The following CSMD1 variants were observed in gnomAD, a reference collection of about 807,000 sequenced individuals.
The protein encoded by CSMD1 is CUB and sushi domain-containing protein 1.
Under a neutral mutation model 417.5 loss-of-function variants are expected in CSMD1, and 213 were observed. That is an observed-to-expected ratio of 0.51 (90% CI 0.46 to 0.57). The LOEUF (loss-of-function observed/expected upper bound fraction) is 0.57. Ranked by LOEUF, CSMD1 falls within the 20% of genes least tolerant of loss-of-function variation. The pLI, the probability that CSMD1 is intolerant of heterozygous loss-of-function variation, is 0.00. For missense variants in CSMD1, 6,923 were observed against 4,529.7 expected (o/e 1.53, Z -15.17); for synonymous variants, 2,862 against 1,736.8 (o/e 1.65, Z -16.11).
In CSMD1 at chr8:3,052,602, G is replaced by A; in HGVS notation, c.7520C>T (p.Thr2507Ile). The A allele has an allele frequency of 6.2e-7, 1 of 1,611,888 alleles. No individual in the cohort carries two copies. The highest frequency in any genetic ancestry group is 8.5e-7 in the Non-Finnish European group (1 of 1,179,040). The change falls in exon 50 of 70, where the codon ACC becomes ATC. Residue 2507 changes from threonine to isoleucine, a missense_variant. Thr to Ile is a moderately conservative substitution (Grantham distance 89). Coordinates refer to ENST00000635120, the MANE Select transcript of CSMD1 (RefSeq NM_033225.6). ...ACTGTCCAAAGTGAACTCGTTCCCG[G>A]TAAATGAACCGTTTCCTGGGGATTC... ...IPESPGNGSF[T>I]GNEFTLDSKV...
intron 1 of CSMD1, among the ~76,000 whole-genome samples, chr8:4,901,597 T>C (rs1054217428): frequency 6.6e-6 from 1 of 152,168 alleles, no homozygotes; most frequent in Non-Finnish European, 1.5e-5. Context: ...TTCCGGACAC[T>C]TCTATTAGCC....
intron 3 of CSMD1, among the ~76,000 whole-genome samples, chr8:4,364,542 T>C (rs1186875129): frequency 2.5e-5 from 2 of 79,110 alleles, no homozygotes; most frequent in Non-Finnish European, 4.6e-5. Flanking sequence ...AGATAATCAA[T>C]GGCCGGGCGC....
At chr8:3,306,424 T>A (rs1210233559) in intron 25 of CSMD1, among the ~76,000 whole-genome samples, 1 of 152,156 alleles carries the variant, frequency 6.6e-6, no homozygotes, top group Non-Finnish European at 1.5e-5. Flanking sequence ...TCCACCCACC[T>A]CGGCCTCCCA....
At chr8:3,769,685 G>A (rs1050910714) in intron 5 of CSMD1, among the ~76,000 whole-genome samples, 1 of 152,052 alleles carries the variant, frequency 6.6e-6, no homozygotes, top group African/African-American at 2.4e-5. Flanking sequence ...TATATATGAT[G>A]TGTGAATTCT....
intron 3 of CSMD1, among the ~76,000 whole-genome samples, chr8:4,074,385 A>T (rs535224612): frequency 6.6e-6 from 1 of 152,262 alleles, no homozygotes; most frequent in South Asian, 2.1e-4. Context: ...CAGTATTTTC[A>T]ATGTCTATCT....
chr8:4,141,976 C>T (rs957999575), intron 3 of CSMD1, among the ~76,000 whole-genome samples: 1 of 150,788 alleles, frequency 6.6e-6, no homozygotes, highest in African/African-American at 2.5e-5. Context: ...TAAATTATGA[C>T]ATTAAATTTC....
chr8:3,901,380 G>C (rs1249668335), intron 5 of CSMD1, among the ~76,000 whole-genome samples: 2 of 152,052 alleles, frequency 1.3e-5, no homozygotes, highest in African/African-American at 4.8e-5. Context: ...AGTGAAGATG[G>C]GCATATTTCA....
At chr8:4,552,931 G>A (rs1027693644) in intron 2 of CSMD1, among the ~76,000 whole-genome samples, 2 of 152,142 alleles carry the variant, frequency 1.3e-5, no homozygotes, top group African/African-American at 2.4e-5. Flanking sequence ...TTCCCCAGAA[G>A]GGCCAGGCCT....
intron 2 of CSMD1, among the ~76,000 whole-genome samples, chr8:4,451,478 C>A (rs1799141947): frequency 6.6e-6 from 1 of 152,160 alleles, no homozygotes; most frequent in Non-Finnish European, 1.5e-5. Context: ...TCTCCTAAAG[C>A]TTACCCATAG....
intron 49 of CSMD1, among the ~76,000 whole-genome samples, chr8:3,085,800 T>A (rs183809309): frequency 3.9e-5 from 6 of 152,182 alleles, no homozygotes; most frequent in African/African-American, 1.4e-4. Flanking sequence ...CAGAACTCCT[T>A]GCATATCCAT....
chr8:3,308,365 G>C lies in CSMD1; in HGVS notation c.3770C>G (p.Thr1257Ser), dbSNP rs1278017562. Reference sequence around the variant, plus strand: ...CACTCTCCTGTCTCCACTCAAACAGGTCAGGGTGTTGCTGCCATGCATGGC... The same window carrying C: ...CACTCTCCTGTCTCCACTCAAACAGCTCAGGGTGTTGCTGCCATGCATGGC... ...GYAMHGSNTL[T>S]CLSGDRRVWD... Residue 1257 changes from threonine to serine, a missense_variant, in exon 24 of 70, where the codon ACC (threonine) becomes AGC (serine). Physicochemically the swap from Thr to Ser is moderately conservative, Grantham distance 58. Transcript: ENST00000635120. The C allele has an allele frequency of 5.0e-6, 8 of 1,613,746 alleles. No homozygotes were observed. The highest frequency in any genetic ancestry group is 5.1e-6 in the Non-Finnish European group (6 of 1,179,766).
At chr8:3,977,292 T>C (rs1813507948) in intron 5 of CSMD1, among the ~76,000 whole-genome samples, 1 of 152,168 alleles carries the variant, frequency 6.6e-6, no homozygotes, top group South Asian at 2.1e-4. Flanking sequence ...GTGGGTTCCC[T>C]GAAGACAGAT....
intron 5 of CSMD1, among the ~76,000 whole-genome samples, chr8:3,930,933 T>C (rs1412510420): frequency 6.6e-6 from 1 of 150,644 alleles, no homozygotes; most frequent in East Asian, 1.9e-4. Flanking sequence ...CAATTGTTGC[T>C]AGGATTCTTA....
intron 1 of CSMD1, among the ~76,000 whole-genome samples, chr8:4,734,090 T>A (rs1810069662): frequency 6.6e-6 from 1 of 152,190 alleles, no homozygotes; most frequent in South Asian, 2.1e-4. Flanking sequence ...TTTATTGCAT[T>A]GATAAACATC....
Position 4,015,505 on chromosome 8 carries a change from G to C in CSMD1, c.610+16400C>G, listed in dbSNP as rs186019130. 3.3e-5 allele frequency among the ~76,000 whole-genome samples: 5 copies of C among 152,038 alleles called. No homozygotes were observed. The East Asian group carries it at 7.7e-4, about 24-fold the overall frequency. Reference sequence around the variant, plus strand: ...TAAAGAAAACCACAGCTTCAGATAGGTCTAAAAGCAACAATGGGCCTACAC... The same window carrying C: ...TAAAGAAAACCACAGCTTCAGATAGCTCTAAAAGCAACAATGGGCCTACAC... On this transcript the variant is annotated intron_variant, in intron 4 of 69. Coordinates refer to ENST00000635120, the MANE Select transcript of CSMD1 (RefSeq NM_033225.6).
intron 7 of CSMD1, among the ~76,000 whole-genome samples, chr8:3,660,659 T>G (rs970700742): frequency 6.6e-6 from 1 of 151,782 alleles, no homozygotes; most frequent in Non-Finnish European, 1.5e-5. Context: ...TAGCTGGGAT[T>G]ACAGGGTCCC....
At chr8:4,176,107 T>C (rs951305801) in intron 3 of CSMD1, among the ~76,000 whole-genome samples, 16 of 152,056 alleles carry the variant, frequency 1.1e-4, no homozygotes, top group African/African-American at 3.9e-4. Flanking sequence ...TACCTTCTTG[T>C]AGACAGAAAG....
chr8:2,962,343 C>T (rs1803561998), intron 61 of CSMD1, 123 bp downstream of exon 61: 1 of 837,974 alleles, frequency 1.2e-6, no homozygotes, highest in African/African-American at 1.7e-5. Flanking sequence ...AAATTATTAC[C>T]TTGTACAGAA....
intron 47 of CSMD1, 75 bp downstream of exon 47, chr8:3,096,774 G>A (rs1815335331): frequency 1.1e-5 from 11 of 968,476 alleles, no homozygotes; most frequent in Non-Finnish European, 1.2e-5. Context: ...CAGTCTTTAT[G>A]TTACTAAAAC....
Sources: allele counts gnomAD v4.1 joint callset (sites outside exome capture counted in the v4.1 genomes callset), GRCh38; gene constraint gnomAD v4.1.1; transcripts MANE v1.5; gene names NCBI Gene and HGNC (gene_info 2026-07-23, HGNC 2026-07-21).